The following POMT2 variants were observed in gnomAD, a reference collection of about 807,000 sequenced individuals.
POMT2 encodes protein O-mannosyltransferase 2.
A neutral mutation model predicts 100.0 loss-of-function variants in POMT2; 75 were observed. That is an observed-to-expected ratio of 0.75 (90% CI 0.62 to 0.91). The LOEUF is 0.91. POMT2 is among the 40% of genes least tolerant of loss of function. POMT2 has a pLI of 0.00. For missense variants in POMT2, 940 were observed against 955.1 expected, an observed-to-expected ratio of 0.98 and a Z score of 0.21; for synonymous variants, 378 against 374.1, an observed-to-expected ratio of 1.01 and a Z score of -0.12.
At chr14:77,304,607 G>A (rs564048457) in intron 4 of POMT2, 85 bp downstream of exon 4, 11 of 1,537,184 alleles carry the variant, frequency 7.2e-6, no homozygotes, top group Non-Finnish European at 9.7e-6. Context: ...CCACATATAG[G>A]GCCCTTGAAT....
chr14:77,301,400 C>T (rs1891036752), intron 5 of POMT2, 151 bp from the exon 6 acceptor site: 2 of 1,083,134 alleles, frequency 1.8e-6, no homozygotes, highest in South Asian at 1.4e-5. Flanking sequence ...GGCGTGGCTC[C>T]ATGGAGGAGG....
chr14:77,277,568 C>T, intron 20 of POMT2, 87 bp from the exon 21 acceptor site: 3 of 1,100,956 alleles, frequency 2.7e-6, no homozygotes, highest in South Asian at 2.5e-5. Flanking sequence ...GCTGGAGCTC[C>T]AGAGAAATTC....
In POMT2 at chr14:77,277,308, C is replaced by T; in HGVS notation, c.*68G>A. Reference sequence around the variant, plus strand: ...GGCAGCTTCCTCATGGCCGGATGGTCCAGTACTGCTTCCCAGCTGGCTCTC... The same window carrying T: ...GGCAGCTTCCTCATGGCCGGATGGTTCAGTACTGCTTCCCAGCTGGCTCTC... On this transcript the variant is annotated 3_prime_UTR_variant, in exon 21 of 21. Transcript: ENST00000261534. 7.3e-7 allele frequency: 1 copy of T among 1,362,990 alleles called. No individual in the cohort carries two copies. The highest frequency in any genetic ancestry group is 1.0e-6 in the Non-Finnish European group (1 of 956,788). The allele number at this position is 1,362,990 out of a possible 1,614,324, so 84.4% of individuals were successfully genotyped here.
rs1431140788 is a variant in POMT2 at position 77,276,900 on chromosome 14, G to C, written c.*476C>G. 5.7e-6 allele frequency: 1 copy of C among 176,182 alleles called. No homozygotes were observed. Among genetic ancestry groups the C allele is most frequent in the Non-Finnish European group, 1.2e-5 (1 of 80,842 alleles). 10.9% of individuals were successfully genotyped at this position (176,182 alleles called of 1,614,324 possible). On this transcript the variant is annotated 3_prime_UTR_variant, in exon 21 of 21. Transcript: ENST00000261534. ...GAGGTCAGTATTCTCTGCCCTCAAG[G>C]CCCTCTCAGAGGTCTGAGAATTTTT...
intron 12 of POMT2, among the ~76,000 whole-genome samples, chr14:77,286,526 T>G (rs1025835174): frequency 1.3e-5 from 2 of 152,166 alleles, no homozygotes; most frequent in African/African-American, 4.8e-5. Flanking sequence ...AATGGCATGG[T>G]TATTATGTGA....
intron 3 of POMT2, among the ~76,000 whole-genome samples, chr14:77,305,927 T>A (rs1891209839): frequency 6.6e-6 from 1 of 152,102 alleles, no homozygotes; most frequent in African/African-American, 2.4e-5. Flanking sequence ...CAGAAAAGGC[T>A]CTGAGATGTA....
chr14:77,302,987 G>A, intron 4 of POMT2, 44 bp from the exon 5 acceptor site: 2 of 1,479,416 alleles, frequency 1.4e-6, no homozygotes, highest in Non-Finnish European at 9.3e-7. Context: ...GGTAAGAGAA[G>A]GGCCCCCTGA....
chr14:77,292,693 C>T (rs1471257150), intron 9 of POMT2, among the ~76,000 whole-genome samples: 1 of 152,066 alleles, frequency 6.6e-6, no homozygotes, highest in Non-Finnish European at 1.5e-5. Flanking sequence ...TAATGGTTGC[C>T]CCATAAGATT....
intron 18 of POMT2, chr14:77,279,124 A>G (rs116911084): frequency 1.6e-5 from 9 of 571,746 alleles, no homozygotes; most frequent in Non-Finnish European, 2.5e-5. Context: ...CCAGCCTCTA[A>G]AGAAACCCTT....
rs942797478 is a variant in POMT2 at position 77,299,571 on chromosome 14, G to C, written c.817-10C>G. On this transcript the variant is annotated splice_polypyrimidine_tract_variant and intron_variant, in intron 6 of 20. Coordinates refer to ENST00000261534, the MANE Select transcript of POMT2 (RefSeq NM_013382.7). ...GTTTTCCCACAGTCACCTGCAAACA[G>C]AGGCCAGCGTGGGGTGCTAGGCATG... 5.0e-6 allele frequency: 8 copies of C among 1,611,892 alleles called. No individual in the cohort carries two copies. Among genetic ancestry groups the C allele is most frequent in the African/African-American group, 4.0e-5 (3 of 75,020 alleles).
In POMT2 at chr14:77,298,753, G is replaced by A. The variant is rs1890920003; in HGVS notation, c.942C>T (p.Phe314=). The A allele has an allele frequency of 8.7e-6, 14 of 1,613,162 alleles. No individual in the cohort carries two copies. Among genetic ancestry groups the A allele is most frequent in the African/African-American group, 1.3e-5 (1 of 74,932 alleles). ...GCCGGGCCTGGAAGGCAGAACTGAA[G>A]AAACCGTCACCAGGGCCACTGTGGG... ...VLSKSGPGDG[F]FSSAFQARLS... Residue 314 remains phenylalanine (F), a synonymous_variant, in exon 8 of 21, where the codon TTC becomes TTT. Coordinates refer to ENST00000261534, the MANE Select transcript of POMT2 (RefSeq NM_013382.7).
chr14:77,299,314 G>A (rs1890937266), intron 7 of POMT2, 141 bp downstream of exon 7: 6 of 749,124 alleles, frequency 8.0e-6, no homozygotes, highest in Non-Finnish European at 1.2e-5. Context: ...ATAGAACATA[G>A]CAGGAAAGAA....
intron 5 of POMT2, among the ~76,000 whole-genome samples, chr14:77,301,891 CA>C (rs59192855): frequency 0.059 from 8,956 of 152,232 alleles, 369 homozygotes; most frequent in African/African-American, 0.12. Flanking sequence ...TAGTACTCTA[CA>C]CTATGATTCT....
intron 5 of POMT2, among the ~76,000 whole-genome samples, chr14:77,301,922 C>T (rs60434542): frequency 6.6e-6 from 1 of 152,062 alleles, no homozygotes; most frequent in East Asian, 1.9e-4. Flanking sequence ...TGGCTGCCTC[C>T]TCTGCCAGAG....
chr14:77,295,449 G>A (rs370880702), intron 9 of POMT2, among the ~76,000 whole-genome samples: 1 of 151,972 alleles, frequency 6.6e-6, no homozygotes, highest in South Asian at 2.1e-4. Context: ...TGGCTAACAC[G>A]GTGAAACCCT....
At chr14:77,318,735 ATTTT>A (rs10643583) in intron 1 of POMT2, among the ~76,000 whole-genome samples, 9 of 140,148 alleles carry the variant, frequency 6.4e-5, no homozygotes, top group Non-Finnish European at 1.4e-4. Context: ...ATGGTAGTTA[ATTTT>A]TTTTTTTTTT....
At chr14:77,278,585 A>G (rs1890073980) in intron 19 of POMT2, 77 bp from the exon 20 acceptor site, 1 of 1,457,544 alleles carries the variant, frequency 6.9e-7, no homozygotes, top group African/African-American at 1.4e-5. Flanking sequence ...AGGCACTCCA[A>G]GTCAAGGAGC....
At chr14:77,279,440 G>A (rs1423028044) in intron 18 of POMT2, 1 of 448,514 alleles carries the variant, frequency 2.2e-6, no homozygotes, top group Non-Finnish European at 4.4e-6. Flanking sequence ...ACAAGGAGGT[G>A]GCAGAAAAGA....
At chr14:77,312,146 A>G in intron 1 of POMT2, 113 bp from the exon 2 acceptor site, 1 of 1,477,218 alleles carries the variant, frequency 6.8e-7, no homozygotes, top group East Asian at 2.5e-5. Flanking sequence ...AATTAATGCA[A>G]AAGTCTGGAT....
Sources: gnomAD v4.1 joint callset for allele counts (sites outside exome capture counted in the v4.1 genomes callset) on GRCh38, gnomAD v4.1.1 for gene constraint, MANE v1.5 for transcripts, NCBI Gene and HGNC (gene_info 2026-07-23, HGNC 2026-07-21) for gene names.